SEMA3A: variants seen among roughly 807,000 people sequenced by gnomAD.
SEMA3A encodes the protein semaphorin-3A.
Under a neutral mutation model 97.9 loss-of-function variants are expected in SEMA3A, and 29 were observed. The observed-to-expected ratio is 0.30, with a 90% CI of 0.22 to 0.40. SEMA3A has a LOEUF of 0.40. SEMA3A is among the 10% of genes least tolerant of loss of function. The probability of loss-of-function intolerance (pLI) is 1.00; values close to 1 mark genes in which losing one functional copy is unlikely to be tolerated. For missense variants in SEMA3A, 763 were observed against 951.3 expected, an observed-to-expected ratio of 0.80 and a Z score of 2.60; for synonymous variants, 321 against 323.7, an observed-to-expected ratio of 0.99 and a Z score of 0.09.
rs567453947 is a variant in SEMA3A at position 84,457,863 on chromosome 7, C to G, written c.-246+34597G>C. Among the ~76,000 whole-genome samples the G allele has an allele frequency of 2.6e-5, 4 of 151,962 alleles. No individual in the cohort carries two copies. The East Asian group carries it at 7.7e-4, about 29-fold the overall frequency. ...CACTTTTGTTATGTAGCTATGAAAA[C>G]AAGTATATACATCATACATTAACTG... On this transcript the variant is annotated intron_variant, in intron 1 of 3. Transcript: ENST00000424555.
chr7:84,220,865 G>A (rs1424500248), intron 3 of SEMA3A, among the ~76,000 whole-genome samples: 5 of 152,110 alleles, frequency 3.3e-5, no homozygotes. Context: ...AGGATCTTCA[G>A]AATGGTAAGT....
intron 3 of SEMA3A, among the ~76,000 whole-genome samples, chr7:84,240,549 T>C (rs984360862): frequency 1.3e-5 from 2 of 152,142 alleles, no homozygotes; most frequent in Admixed American, 1.3e-4. Context: ...ATTCAGAAAT[T>C]GGAAGAGGCA....
At chr7:84,112,404 A>G (rs1004353453) in intron 3 of SEMA3A, among the ~76,000 whole-genome samples, 5 of 152,216 alleles carry the variant, frequency 3.3e-5, no homozygotes, top group African/African-American at 1.2e-4. Context: ...TTCAGTCTGC[A>G]TGCCATGCCT....
chr7:84,231,045 C>T (rs768618261), intron 3 of SEMA3A, among the ~76,000 whole-genome samples: 1 of 151,830 alleles, frequency 6.6e-6, no homozygotes, highest in South Asian at 2.1e-4. Context: ...ATTGGAATAT[C>T]CTTGTTATAC....
chr7:84,454,735 A>AT (rs1805645632), intron 1 of SEMA3A, among the ~76,000 whole-genome samples: 1 of 152,074 alleles, frequency 6.6e-6, no homozygotes, highest in Admixed American at 6.6e-5. Context: ...AACAAAAACT[A>AT]TTTGACTCTG....
At chr7:84,257,666 C>T (rs1344273028) in intron 3 of SEMA3A, among the ~76,000 whole-genome samples, 3 of 152,126 alleles carry the variant, frequency 2.0e-5, no homozygotes, top group Non-Finnish European at 4.4e-5. Context: ...TTTCTCTCAT[C>T]TGATTCATCA....
At chr7:84,142,317 A>G (rs1038586141) in intron 1 of SEMA3A, among the ~76,000 whole-genome samples, 3 of 152,208 alleles carry the variant, frequency 2.0e-5, no homozygotes, top group Admixed American at 6.6e-5. Context: ...AAAAGTAGAC[A>G]AATACCTTTA....
Position 84,217,914 on chromosome 7 carries a change from C to G in SEMA3A, c.-82-23246G>C, listed in dbSNP as rs975673221. On this transcript the variant is annotated intron_variant, in intron 3 of 3. Coordinates refer to the SEMA3A transcript ENST00000424555. ...TGGGTAACAAAGTAAGACGCCATCTCTACAAAAAATTTAAAAAACATATTA... is the reference window on the plus strand; with the variant it reads ...TGGGTAACAAAGTAAGACGCCATCTGTACAAAAAATTTAAAAAACATATTA... 2.0e-5 allele frequency among the ~76,000 whole-genome samples: 3 copies of G among 151,876 alleles called. 1 individual carries two copies. Among genetic ancestry groups the G allele is most frequent in the Admixed American group, 2.0e-4 (3 of 15,236 alleles).
At chr7:84,140,017 T>C (rs1433669212) in intron 1 of SEMA3A, among the ~76,000 whole-genome samples, 2 of 152,046 alleles carry the variant, frequency 1.3e-5, no homozygotes, top group African/African-American at 4.8e-5. Context: ...AAGGGAGAAA[T>C]TGATAGCAAT....
chr7:84,355,101 T>C (rs906175776), intron 2 of SEMA3A, among the ~76,000 whole-genome samples: 1 of 151,814 alleles, frequency 6.6e-6, no homozygotes, highest in East Asian at 1.9e-4. Flanking sequence ...AATCAGAATG[T>C]TCATAATATG....
chr7:84,292,696 A>G (rs1405255333), intron 3 of SEMA3A, among the ~76,000 whole-genome samples: 2 of 152,102 alleles, frequency 1.3e-5, no homozygotes, highest in African/African-American at 2.4e-5. Context: ...GGATAACATT[A>G]GTGACGTTAT....
chr7:84,150,962 AC>A (rs901874167), intron 1 of SEMA3A, among the ~76,000 whole-genome samples: 58 of 149,586 alleles, frequency 3.9e-4, no homozygotes, highest in Middle Eastern at 3.5e-3. Flanking sequence ...ACTGGGAGGC[AC>A]CCCCCAGCAG....
At chr7:84,038,601 T>A (rs1309592376) in intron 6 of SEMA3A, among the ~76,000 whole-genome samples, 1 of 152,102 alleles carries the variant, frequency 6.6e-6, no homozygotes, top group African/African-American at 2.4e-5. Context: ...ACAGTAGGTC[T>A]CCATGCTGTT....
intron 3 of SEMA3A, among the ~76,000 whole-genome samples, chr7:84,227,213 T>G (rs1273025126): frequency 2.0e-5 from 3 of 151,794 alleles, no homozygotes; most frequent in Non-Finnish European, 4.4e-5. Context: ...TAGATAGATA[T>G]GAAGAAGATT....
chr7:84,360,689 G>T (rs1436560433), intron 2 of SEMA3A, among the ~76,000 whole-genome samples: 2 of 152,096 alleles, frequency 1.3e-5, no homozygotes, highest in Non-Finnish European at 2.9e-5. Flanking sequence ...CTGCTAATGT[G>T]CAGAGTATTC....
chr7:84,231,785 G>A (rs1286984249), intron 3 of SEMA3A, among the ~76,000 whole-genome samples: 1 of 151,842 alleles, frequency 6.6e-6, no homozygotes, highest in African/African-American at 2.4e-5. Flanking sequence ...ACTAAGCTGA[G>A]TGTGAAAAGA....
chr7:84,332,748 T>C (rs1280844957), intron 2 of SEMA3A, among the ~76,000 whole-genome samples: 1 of 152,020 alleles, frequency 6.6e-6, no homozygotes, highest in African/African-American at 2.4e-5. Context: ...AAAAAATAAT[T>C]TATTTTTTAG....
At chr7:84,118,489 C>T (rs752909274) in intron 3 of SEMA3A, among the ~76,000 whole-genome samples, 3 of 152,140 alleles carry the variant, frequency 2.0e-5, no homozygotes, top group Non-Finnish European at 4.4e-5. Context: ...ATTACACTCC[C>T]CAGGTTGTTC....
intron 2 of SEMA3A, among the ~76,000 whole-genome samples, chr7:84,334,552 AT>A (rs1801990338): frequency 6.6e-6 from 1 of 150,758 alleles, no homozygotes; most frequent in African/African-American, 2.4e-5. Context: ...TGTTCCCTCA[AT>A]TTTCCTCCTT....
Sources: allele counts gnomAD v4.1 joint callset (sites outside exome capture counted in the v4.1 genomes callset), GRCh38; gene constraint gnomAD v4.1.1; transcripts MANE v1.5; gene names NCBI Gene and HGNC (gene_info 2026-07-23, HGNC 2026-07-21).